GLIS3: variants seen among roughly 807,000 people sequenced by gnomAD.
GLIS3 encodes the protein GLIS family zinc finger 3.
A neutral mutation model predicts 78.6 loss-of-function variants in GLIS3; 53 were observed. That is an observed-to-expected ratio of 0.67 (90% confidence interval 0.54 to 0.85). GLIS3 has a LOEUF of 0.85. GLIS3 is among the 40% of genes least tolerant of loss of function. The pLI, the probability that GLIS3 is intolerant of heterozygous loss-of-function variation, is 0.00. For synonymous variants in GLIS3, 684 were observed against 509.9 expected (o/e 1.34, Z -4.60); for missense variants, 1,703 against 1,231.1 (o/e 1.38, Z -5.74).
intron 4 of GLIS3, among the ~76,000 whole-genome samples, chr9:3,947,326 G>T (rs1588289712): frequency 6.6e-6 from 1 of 152,356 alleles, no homozygotes; most frequent in East Asian, 1.9e-4. Flanking sequence ...AACGATTGCT[G>T]AATTCTGTCA....
chr9:3,842,011 A>G (rs1006786175), intron 9 of GLIS3, among the ~76,000 whole-genome samples: 1 of 152,232 alleles, frequency 6.6e-6, no homozygotes, highest in African/African-American at 2.4e-5. Flanking sequence ...TGAAGATTTA[A>G]TTTTAAATGC....
chr9:4,261,385 G>A (rs919997071), intron 2 of GLIS3, among the ~76,000 whole-genome samples: 16 of 152,166 alleles, frequency 1.1e-4, no homozygotes, highest in Non-Finnish European at 2.4e-4. Context: ...AAGGGAGACA[G>A]GGGAGGGTAC....
chr9:4,246,389 C>G (rs1475558072), intron 2 of GLIS3, among the ~76,000 whole-genome samples: 20 of 152,152 alleles, frequency 1.3e-4, no homozygotes, highest in Admixed American at 1.3e-3. Context: ...CTGATATTCC[C>G]AAGAATGTAG....
At chr9:4,181,809 T>A (rs150877514) in intron 2 of GLIS3, among the ~76,000 whole-genome samples, 8 of 152,276 alleles carry the variant, frequency 5.3e-5, no homozygotes, top group African/African-American at 1.9e-4. Flanking sequence ...CTAGCATCCT[T>A]GAGACTGAGG....
intron 6 of GLIS3, 103 bp from the exon 7 acceptor site, chr9:3,898,938 A>G: frequency 2.0e-6 from 3 of 1,491,066 alleles, no homozygotes; most frequent in Non-Finnish European, 2.8e-6. Flanking sequence ...GCCCACAAAA[A>G]TTTATCAAGC....
chr9:4,204,323 T>C (rs986149762), intron 2 of GLIS3, among the ~76,000 whole-genome samples: 6 of 152,200 alleles, frequency 3.9e-5, no homozygotes, highest in African/African-American at 9.7e-5. Context: ...TATTTGGCTT[T>C]GGTTTTTGTA....
the GLIS3 span, among the ~76,000 whole-genome samples, chr9:4,423,089 G>A: frequency 2.0e-5 from 3 of 151,952 alleles, no homozygotes; most frequent in Non-Finnish European, 4.4e-5. Context: ...CTCCATAGGT[G>A]GGGTCCCCTG....
intron 2 of GLIS3, among the ~76,000 whole-genome samples, chr9:4,238,894 A>G (rs1168646457): frequency 6.6e-6 from 1 of 152,124 alleles, no homozygotes; most frequent in Admixed American, 6.6e-5. Context: ...CACAGCAGCT[A>G]CTGCAGTGAC....
At chr9:4,395,877 G>A in the GLIS3 span, among the ~76,000 whole-genome samples, 1 of 150,756 alleles carries the variant, frequency 6.6e-6, no homozygotes, top group Non-Finnish European at 1.5e-5. Context: ...TAGTTCAAGC[G>A]ATTCTCCTGC....
chr9:3,878,700 G>C (rs577862891), intron 8 of GLIS3: 1 of 152,436 alleles, frequency 6.6e-6, no homozygotes, highest in Non-Finnish European at 1.5e-5. Flanking sequence ...TGGACAGCTC[G>C]GAGAGGACTG....
chr9:4,388,627 G>A, the GLIS3 span, among the ~76,000 whole-genome samples: 1 of 152,110 alleles, frequency 6.6e-6, no homozygotes, highest in Non-Finnish European at 1.5e-5. Context: ...AGTGAGCCGA[G>A]ATGGCGCCAC....
chr9:4,363,084 G>C, the GLIS3 span, among the ~76,000 whole-genome samples: 1 of 152,142 alleles, frequency 6.6e-6, no homozygotes, highest in African/African-American at 2.4e-5. Flanking sequence ...AGACAGCTTT[G>C]ACTTAGGAAA....
At chr9:3,865,438 G>A (rs1030475021) in intron 8 of GLIS3, among the ~76,000 whole-genome samples, 2 of 152,224 alleles carry the variant, frequency 1.3e-5, no homozygotes. Context: ...TTTGGAATAT[G>A]TGGATGTCTT....
the GLIS3 span, among the ~76,000 whole-genome samples, chr9:4,445,878 T>A: frequency 8.6e-4 from 131 of 152,308 alleles, 1 homozygote; most frequent in Middle Eastern, 0.02. Context: ...GAACTGGAAA[T>A]GGACCTGTGC....
rs946376348 is a variant in GLIS3, at chr9:4,316,754, T to C, written n.265-6226A>G. Among the ~76,000 whole-genome samples, 3 of 152,212 alleles carry C rather than the reference T, an allele frequency of 2.0e-5. No homozygotes were observed. The South Asian group carries it at 6.2e-4, about 32-fold the overall frequency. On this transcript the variant is annotated intron_variant and non_coding_transcript_variant, in intron 2 of 4. Transcript: ENST00000471664. ...GATAAGCTTCGACCATCTGCAACCC[T>C]GAACTGGAATAAGCTGGTACATAAT...
chr9:4,092,732 T>A (rs1829628045), intron 4 of GLIS3, among the ~76,000 whole-genome samples: 1 of 152,170 alleles, frequency 6.6e-6, no homozygotes, highest in Non-Finnish European at 1.5e-5. Context: ...GAAATACCTC[T>A]TGACGGAGCA....
chr9:4,392,347 G>A, the GLIS3 span, among the ~76,000 whole-genome samples: 2 of 152,116 alleles, frequency 1.3e-5, no homozygotes, highest in South Asian at 2.1e-4. Flanking sequence ...CATGGCACAC[G>A]TTTGCCTATG....
chr9:4,483,136 G>A, the GLIS3 span, among the ~76,000 whole-genome samples: 3 of 152,114 alleles, frequency 2.0e-5, no homozygotes, highest in Middle Eastern at 3.2e-3. Flanking sequence ...AAAAAGAATC[G>A]AAGTTAAAGA....
At position 4,128,225 on chromosome 9, in the gene GLIS3, C is replaced by T. The variant is rs909365412; in HGVS notation, c.389-2284G>A. ...CTTTAAGGTCTCAATGCAAGGGTCA[C>T]CTCCTATATGACCTCCTCCTCCACT... is the stretch of plus-strand genomic sequence containing the variant. On this transcript the variant is annotated intron_variant, in intron 2 of 10. Coordinates refer to ENST00000381971, the MANE Select transcript of GLIS3 (RefSeq NM_001042413.2). 2.0e-5 allele frequency among the ~76,000 whole-genome samples: 3 copies of T among 152,216 alleles called. No individual in the cohort carries two copies. In the East Asian group the frequency reaches 5.8e-4, roughly 29 times the overall value.
Sources: gnomAD v4.1 joint callset for allele counts (sites outside exome capture counted in the v4.1 genomes callset) on GRCh38, gnomAD v4.1.1 for gene constraint, MANE v1.5 for transcripts, NCBI Gene and HGNC (gene_info 2026-07-23, HGNC 2026-07-21) for gene names.